The following RANBP2 variants were observed in gnomAD, a reference collection of about 807,000 sequenced individuals.
The protein encoded by RANBP2 is RAN binding protein 2.
In RANBP2, 57 loss-of-function variants were observed where a neutral mutation model predicts 303.6. The ratio of observed to expected loss-of-function variants is 0.19; its 90% CI spans 0.15 to 0.23. The LOEUF is 0.23. Among genes scored for constraint, RANBP2 ranks in the 10% least tolerant of loss-of-function variants. The pLI is 1.00. For missense variants in RANBP2, 3,138 were observed against 3,780.8 expected (o/e 0.83, Z 4.46); for synonymous variants, 1,167 against 1,301.5 (o/e 0.90, Z 2.23).
At chr2:108,897,799 G>A in the RANBP2 span, among the ~76,000 whole-genome samples, 2 of 152,202 alleles carry the variant, frequency 1.3e-5, no homozygotes, top group Non-Finnish European at 2.9e-5. Context: ...GAAGATAAGA[G>A]TAGATATAAT....
the RANBP2 span, among the ~76,000 whole-genome samples, chr2:108,821,287 G>A: frequency 1.3e-5 from 2 of 152,160 alleles, no homozygotes. Flanking sequence ...GAACCTGGGA[G>A]GCAGAGGTTG....
At chr2:109,094,813 A>G in the RANBP2 span, among the ~76,000 whole-genome samples, 1 of 152,178 alleles carries the variant, frequency 6.6e-6, no homozygotes, top group African/African-American at 2.4e-5. Flanking sequence ...CTGAGTGACA[A>G]GAGCAAGTCT....
chr2:109,020,978 C>T, the RANBP2 span, among the ~76,000 whole-genome samples: 1 of 152,186 alleles, frequency 6.6e-6, no homozygotes, highest in African/African-American at 2.4e-5. Flanking sequence ...CAGGCGACTC[C>T]CCAGCTTCAG....
At chr2:109,591,001 T>C in the RANBP2 span, among the ~76,000 whole-genome samples, 1 of 152,186 alleles carries the variant, frequency 6.6e-6, no homozygotes, top group Non-Finnish European at 1.5e-5. Flanking sequence ...CTTTGACCTA[T>C]AGAACTGAGA....
the RANBP2 span, among the ~76,000 whole-genome samples, chr2:109,305,815 G>T: frequency 1.3e-5 from 2 of 152,230 alleles, no homozygotes; most frequent in Admixed American, 6.5e-5. Flanking sequence ...GGCTGGGGCT[G>T]CTCGGCATCT....
chr2:109,144,312 G>C, the RANBP2 span, among the ~76,000 whole-genome samples: 1 of 152,162 alleles, frequency 6.6e-6, no homozygotes, highest in Non-Finnish European at 1.5e-5. Flanking sequence ...TTATTTGTCT[G>C]TTATACCTCA....
At chr2:109,683,708 A>C in the RANBP2 span, among the ~76,000 whole-genome samples, 1 of 151,940 alleles carries the variant, frequency 6.6e-6, no homozygotes, top group Admixed American at 6.6e-5. Context: ...CCTTTGCCCA[A>C]ATCACTTCCA....
the RANBP2 span, among the ~76,000 whole-genome samples, chr2:109,216,204 C>A: frequency 3.9e-5 from 6 of 152,202 alleles, no homozygotes; most frequent in Non-Finnish European, 7.3e-5. Context: ...ACCTGCCCAT[C>A]ATTGCATCTA....
the RANBP2 span, among the ~76,000 whole-genome samples, chr2:108,813,124 C>T: frequency 6.6e-6 from 1 of 151,688 alleles, no homozygotes; most frequent in African/African-American, 2.4e-5. Context: ...TGGCACACGC[C>T]TGTAGTCCCA....
At chr2:108,743,252 A>G (rs576038140) in intron 7 of RANBP2, among the ~76,000 whole-genome samples, 5 of 152,200 alleles carry the variant, frequency 3.3e-5, no homozygotes, top group Admixed American at 1.3e-4. Flanking sequence ...GGTGTGAGCT[A>G]CTATGCACAG....
chr2:108,909,632 A>T, the RANBP2 span, among the ~76,000 whole-genome samples: 2 of 152,202 alleles, frequency 1.3e-5, no homozygotes, highest in East Asian at 3.9e-4. Context: ...GGGTCCGAGC[A>T]CATTGCCTGG....
At chr2:109,344,722 A>G in the RANBP2 span, among the ~76,000 whole-genome samples, 2 of 152,102 alleles carry the variant, frequency 1.3e-5, no homozygotes, top group Non-Finnish European at 2.9e-5. Context: ...TGGAGTTGGC[A>G]GGAGGAGTGC....
the RANBP2 span, among the ~76,000 whole-genome samples, chr2:109,029,083 C>T: frequency 6.6e-6 from 1 of 151,682 alleles, no homozygotes; most frequent in South Asian, 2.1e-4. Flanking sequence ...CTGTGCCCGG[C>T]CTATGTGATT....
At chr2:109,496,117 C>T in the RANBP2 span, among the ~76,000 whole-genome samples, 1 of 152,182 alleles carries the variant, frequency 6.6e-6, no homozygotes, top group Non-Finnish European at 1.5e-5. Context: ...CTGTTTTTGT[C>T]CTATCAGAAC....
At chr2:109,246,791 G>A in the RANBP2 span, among the ~76,000 whole-genome samples, 4 of 152,214 alleles carry the variant, frequency 2.6e-5, no homozygotes, top group Non-Finnish European at 5.9e-5. Context: ...CGCTTGCTCT[G>A]AGTTGAACTG....
the RANBP2 span, among the ~76,000 whole-genome samples, chr2:108,943,091 A>C: frequency 6.6e-6 from 1 of 152,032 alleles, no homozygotes. Flanking sequence ...CTTACATTCG[A>C]GTCCCAGCAT....
chr2:109,297,912 TCCCCACCCAGA>T, the RANBP2 span, among the ~76,000 whole-genome samples: 1 of 151,108 alleles, frequency 6.6e-6, no homozygotes, highest in East Asian at 2.0e-4. Context: ...ATGTCAATGC[TCCCCACCCAGA>T]TGTGTGTTCC....
chr2:109,756,531 T>G, the RANBP2 span, among the ~76,000 whole-genome samples: 1 of 129,158 alleles, frequency 7.7e-6, no homozygotes. Context: ...ACATCCCTGT[T>G]ACCTGTGGTC....
the RANBP2 span, among the ~76,000 whole-genome samples, chr2:108,800,269 G>A: frequency 1.3e-5 from 2 of 151,768 alleles, no homozygotes; most frequent in East Asian, 3.9e-4. Context: ...TTTTTTTGTT[G>A]TTGTTGTTTT....
Sources: allele counts gnomAD v4.1 joint callset (sites outside exome capture counted in the v4.1 genomes callset), GRCh38; gene constraint gnomAD v4.1.1; transcripts MANE v1.5; gene names NCBI Gene and HGNC (gene_info 2026-07-23, HGNC 2026-07-21).